The following ZNF248 variants were observed in gnomAD, a reference collection of about 807,000 sequenced individuals.
ZNF248 encodes the protein zinc finger protein 248.
In ZNF248, 20 loss-of-function variants were observed where a neutral mutation model predicts 44.3. That is an observed-to-expected ratio of 0.45 (90% confidence interval 0.32 to 0.66). The LOEUF (loss-of-function observed/expected upper bound fraction) is 0.66. ZNF248 is among the 30% of genes least tolerant of loss of function. The pLI is 0.04. For missense variants in ZNF248, 654 were observed against 677.0 expected, an observed-to-expected ratio of 0.97 and a Z score of 0.38; for synonymous variants, 224 against 229.0, an observed-to-expected ratio of 0.98 and a Z score of 0.20.
rs540552903 is a variant in ZNF248, at chr10:37,798,227, T to C, written c.331-21652A>G. On this transcript the variant is annotated intron_variant, in intron 6 of 6. Transcript: ENST00000615949. ...GTCGGACACCAAAGGTGACAAATTATATAATTCCATTTATATGAAATATAC... is the reference window on the plus strand; with the variant it reads ...GTCGGACACCAAAGGTGACAAATTACATAATTCCATTTATATGAAATATAC... Among the ~76,000 whole-genome samples, 7 of 152,264 alleles carry C rather than the reference T, an allele frequency of 4.6e-5. No individual in the cohort carries two copies. The South Asian group carries it at 1.5e-3, about 32-fold the overall frequency.
chr10:37,792,389 A>C (rs2048661162), intron 6 of ZNF248, among the ~76,000 whole-genome samples: 1 of 152,236 alleles, frequency 6.6e-6, no homozygotes, highest in Non-Finnish European at 1.5e-5. Context: ...AAACAGATAA[A>C]CAAATGAGAA....
intron 6 of ZNF248, among the ~76,000 whole-genome samples, chr10:37,784,394 C>T (rs1319179985): frequency 6.6e-6 from 1 of 152,204 alleles, no homozygotes; most frequent in East Asian, 1.9e-4. Context: ...TTCACGCTGT[C>T]TCCTGGACTT....
intron 5 of ZNF248, among the ~76,000 whole-genome samples, chr10:37,834,085 C>G (rs758694764): frequency 6.6e-6 from 1 of 151,998 alleles, no homozygotes; most frequent in Non-Finnish European, 1.5e-5. Context: ...ACATTTTATC[C>G]TTATCTCTCC....
the ZNF248 span, among the ~76,000 whole-genome samples, chr10:37,763,325 AGG>A: frequency 1.3e-5 from 2 of 152,200 alleles, no homozygotes. Context: ...TTTGAACAAT[AGG>A]TGCTAATTTT....
At chr10:37,778,681 T>G (rs1225268150) in intron 6 of ZNF248, among the ~76,000 whole-genome samples, 6 of 152,194 alleles carry the variant, frequency 3.9e-5, no homozygotes, top group Non-Finnish European at 8.8e-5. Context: ...TTTAAGTCTT[T>G]AATCCATATT....
chr10:37,785,048 T>C (rs2132959475), intron 6 of ZNF248, among the ~76,000 whole-genome samples: 1 of 152,272 alleles, frequency 6.6e-6, no homozygotes, highest in African/African-American at 2.4e-5. Context: ...TATTGTTTTG[T>C]CCCACTTACT....
At chr10:37,848,692 G>T (rs547476976) in intron 3 of ZNF248, among the ~76,000 whole-genome samples, 6 of 152,192 alleles carry the variant, frequency 3.9e-5, no homozygotes, top group African/African-American at 1.4e-4. Flanking sequence ...GAAGTCAGAG[G>T]CATGAAGTCC....
At chr10:37,768,703 T>C in the ZNF248 span, among the ~76,000 whole-genome samples, 1 of 151,934 alleles carries the variant, frequency 6.6e-6, no homozygotes, top group African/African-American at 2.4e-5. Flanking sequence ...AACGTCACAA[T>C]TAAAAGAACT....
In ZNF248 at chr10:37,802,405, G is replaced by C. The variant is rs549820058; in HGVS notation, c.331-25830C>G. ...CCCTAAGAACAGGAGAGACGCTGTG[G>C]AGGAACACCCACGTGTCCATGCTGA... On this transcript the variant is annotated intron_variant, in intron 6 of 6. Coordinates refer to the ZNF248 transcript ENST00000615949. Among the ~76,000 whole-genome samples, 12 of 152,304 alleles carry C rather than the reference G, an allele frequency of 7.9e-5. No homozygotes were observed. The East Asian group carries it at 2.1e-3, about 27-fold the overall frequency.
At chr10:37,823,000 T>C (rs1420595814) in intron 6 of ZNF248, among the ~76,000 whole-genome samples, 1 of 152,126 alleles carries the variant, frequency 6.6e-6, no homozygotes, top group East Asian at 1.9e-4. Flanking sequence ...GTGCAGGCTA[T>C]GTGAAGGAAA....
chr10:37,843,926 C>CT lies in ZNF248; in HGVS notation c.16-5816dup, dbSNP rs2058807606. Among the ~76,000 whole-genome samples, 9 of 152,000 alleles carry CT rather than the reference C, an allele frequency of 5.9e-5. No homozygotes were observed. In the South Asian group the frequency reaches 1.9e-3, roughly 32 times the overall value. On this transcript the variant is annotated intron_variant, in intron 3 of 5. Coordinates refer to ENST00000395867, the MANE Select transcript of ZNF248 (RefSeq NM_021045.3). ...AGAGCCTAAGGGACCTGTGGGACAC[C>CT]TTTGAGTGGACTATCTATCATACAA...
chr10:37,842,910 C>A (rs1194883920), intron 3 of ZNF248, among the ~76,000 whole-genome samples: 1 of 152,156 alleles, frequency 6.6e-6, no homozygotes, highest in Non-Finnish European at 1.5e-5. Flanking sequence ...TAAGCTTTCA[C>A]CTCCAGCTAT....
chr10:37,778,800 A>C (rs2046925261), intron 6 of ZNF248, among the ~76,000 whole-genome samples: 2 of 152,216 alleles, frequency 1.3e-5, no homozygotes, highest in Non-Finnish European at 2.9e-5. Context: ...GAGAAGAATC[A>C]AATAGAAGCA....
chr10:37,786,348 C>A (rs558661960), intron 6 of ZNF248, among the ~76,000 whole-genome samples: 3 of 152,268 alleles, frequency 2.0e-5, no homozygotes, highest in East Asian at 3.9e-4. Context: ...TGTTTCATGT[C>A]ATTCCCAAAT....
chr10:37,767,647 C>A, the ZNF248 span, among the ~76,000 whole-genome samples: 1 of 152,166 alleles, frequency 6.6e-6, no homozygotes, highest in Admixed American at 6.5e-5. Flanking sequence ...AAAGGAACAA[C>A]CAGTTCCAGC....
intron 6 of ZNF248, among the ~76,000 whole-genome samples, chr10:37,778,127 G>GT (rs2046820108): frequency 6.6e-6 from 1 of 152,114 alleles, no homozygotes; most frequent in African/African-American, 2.4e-5. Context: ...TTCCACAATG[G>GT]TTGAACTAGT....
Position 37,830,749 on chromosome 10 carries a change from G to A in ZNF248, c.*866C>T, listed in dbSNP as rs1307960127. ...ACAGCACTGAATGTGGAGCTGGGAA[G>A]AGACAGATGTGCAGTGCACACTATT... On this transcript the variant is annotated 3_prime_UTR_variant, in exon 6 of 6. Coordinates refer to ENST00000395867, the MANE Select transcript of ZNF248 (RefSeq NM_021045.3). 1 of 292,410 alleles carries A rather than the reference G, an allele frequency of 3.4e-6. No individual in the cohort carries two copies. Among genetic ancestry groups the A allele is most frequent in the Non-Finnish European group, 5.1e-6 (1 of 196,554 alleles). 18.1% of individuals were successfully genotyped at this position (292,410 alleles called of 1,614,324 possible).
Position 37,783,560 on chromosome 10 carries a change from C to T in ZNF248, c.331-6985G>A, listed in dbSNP as rs148405497. ...ACTTTTGTGCATCAAATGATGTTAT[C>T]AAGAAAGTGGAAAGAGAAGTGACAA... On this transcript the variant is annotated intron_variant, in intron 6 of 6. Transcript: ENST00000615949. Among the ~76,000 whole-genome samples the T allele has an allele frequency of 3.6e-3, 554 of 152,202 alleles. 4 individuals carry two copies. Among genetic ancestry groups the T allele is most frequent in the African/African-American group, 0.013 (547 of 41,550 alleles).
At chr10:37,856,643 A>AC in intron 1 of ZNF248, 111 bp from the exon 2 acceptor site, 1 of 1,034,934 alleles carries the variant, frequency 9.7e-7, no homozygotes, top group Non-Finnish European at 1.2e-6. Flanking sequence ...GAAAAAAAAA[A>AC]ACTGAGGCCA....
Sources: allele counts gnomAD v4.1 joint callset (sites outside exome capture counted in the v4.1 genomes callset), GRCh38; gene constraint gnomAD v4.1.1; transcripts MANE v1.5; gene names NCBI Gene and HGNC (gene_info 2026-07-23, HGNC 2026-07-21).